Variants in CADM2 observed in about 807,000 individuals in gnomAD.
The protein encoded by CADM2 is cell adhesion molecule 2, also known as immunoglobulin superfamily member 4D.
Under a neutral mutation model 49.8 loss-of-function variants are expected in CADM2, and 12 were observed. That is an observed-to-expected ratio of 0.24 (90% CI 0.15 to 0.39). The LOEUF is 0.39. Ranked by LOEUF, CADM2 falls within the 10% of genes least tolerant of loss-of-function variation. The pLI is 1.00. For missense variants in CADM2, 378 were observed against 492.3 expected (o/e 0.77, Z 2.20); for synonymous variants, 214 against 175.4 (o/e 1.22, Z -1.74).
intron 1 of CADM2, among the ~76,000 whole-genome samples, chr3:85,283,009 C>T (rs1483800690): frequency 6.6e-6 from 1 of 151,640 alleles, no homozygotes; most frequent in African/African-American, 2.4e-5. Context: ...CACATGTAAC[C>T]CATACATATG....
At chr3:85,689,107 A>C (rs1405284213) in intron 1 of CADM2, among the ~76,000 whole-genome samples, 1 of 152,246 alleles carries the variant, frequency 6.6e-6, no homozygotes, top group Non-Finnish European at 1.5e-5. Context: ...AACTATCAAT[A>C]GATGCAAAAA....
At chr3:85,800,435 AAAAC>A (rs375712219) in intron 2 of CADM2, 83 of 155,536 alleles carry the variant, frequency 5.3e-4, no homozygotes, top group African/African-American at 1.4e-3. Context: ...TGGGATACCA[AAAAC>A]AAACAAACAA....
At chr3:85,130,214 CAT>C (rs1482605679) in intron 1 of CADM2, among the ~76,000 whole-genome samples, 2 of 152,112 alleles carry the variant, frequency 1.3e-5, no homozygotes, top group African/African-American at 4.8e-5. Flanking sequence ...CCACGTTCAG[CAT>C]AGTTTGTTGA....
chr3:85,344,287 A>C (rs1193771357), intron 1 of CADM2, among the ~76,000 whole-genome samples: 1 of 151,830 alleles, frequency 6.6e-6, no homozygotes, highest in East Asian at 1.9e-4. Flanking sequence ...AGGCTAAGGC[A>C]GGAGAATTGC....
rs187637444 is a variant in CADM2, at chr3:85,474,427, T to A, written c.62-252095T>A. On this transcript the variant is annotated intron_variant, in intron 1 of 9. Transcript: ENST00000383699. ...CCCACGTCATATTCATTATGGAAGG[T>A]AATCTTCTTTCCTCCCAGTCTACCT... 1.3e-3 allele frequency among the ~76,000 whole-genome samples: 203 copies of A among 152,008 alleles called. 4 individuals are homozygous for A. The highest frequency in any genetic ancestry group is 0.013 in the Admixed American group (202 of 15,216).
At chr3:85,298,969 A>G (rs2044031566) in intron 1 of CADM2, among the ~76,000 whole-genome samples, 1 of 152,098 alleles carries the variant, frequency 6.6e-6, no homozygotes, top group East Asian at 1.9e-4. Flanking sequence ...AAACAGAGTA[A>G]TAAATCCCTT....
At chr3:85,080,556 T>G (rs192756439) in intron 1 of CADM2, among the ~76,000 whole-genome samples, 33 of 152,184 alleles carry the variant, frequency 2.2e-4, no homozygotes, top group Non-Finnish European at 3.7e-4. Flanking sequence ...AATAATAATC[T>G]TAATCTAATA....
chr3:85,535,780 C>T (rs1212599764), intron 1 of CADM2, among the ~76,000 whole-genome samples: 1 of 152,084 alleles, frequency 6.6e-6, no homozygotes, highest in African/African-American at 2.4e-5. Context: ...CATGACACTG[C>T]AGGCGAGAAT....
At chr3:85,050,778 T>C (rs1481681449) in intron 1 of CADM2, among the ~76,000 whole-genome samples, 3 of 152,200 alleles carry the variant, frequency 2.0e-5, no homozygotes, top group Admixed American at 2.0e-4. Context: ...TTGTGGAAAC[T>C]ACATTTAATT....
intron 1 of CADM2, among the ~76,000 whole-genome samples, chr3:85,673,420 A>T (rs545934117): frequency 5.3e-5 from 8 of 152,000 alleles, no homozygotes; most frequent in Non-Finnish European, 1.0e-4. Context: ...GAGTGTTCTC[A>T]TAGATAAATT....
chr3:85,749,878 A>G (rs9309988), intron 2 of CADM2, among the ~76,000 whole-genome samples: 15,892 of 151,930 alleles, frequency 0.1, 938 homozygotes, highest in South Asian at 0.12. Context: ...AATTTATATC[A>G]GTATTTTTGT....
chr3:85,985,942 G>A (rs1443627445), intron 8 of CADM2, among the ~76,000 whole-genome samples: 4 of 151,972 alleles, frequency 2.6e-5, no homozygotes, highest in Non-Finnish European at 5.9e-5. Flanking sequence ...TGTGCACTAC[G>A]AAAGAGTTTC....
intron 1 of CADM2, among the ~76,000 whole-genome samples, chr3:85,454,457 G>A (rs1288359676): frequency 6.6e-6 from 1 of 152,114 alleles, no homozygotes; most frequent in Non-Finnish European, 1.5e-5. Context: ...GCTGTTGAGA[G>A]GCTATGGTCA....
chr3:85,796,585 T>A (rs1284299813), intron 2 of CADM2, among the ~76,000 whole-genome samples: 1 of 152,136 alleles, frequency 6.6e-6, no homozygotes, highest in Non-Finnish European at 1.5e-5. Flanking sequence ...ATATCAGATT[T>A]TTTACTTGAT....
chr3:85,333,198 G>A (rs1375720918), intron 1 of CADM2, among the ~76,000 whole-genome samples: 1 of 151,558 alleles, frequency 6.6e-6, no homozygotes, highest in African/African-American at 2.4e-5. Flanking sequence ...AGAATGAATG[G>A]ATAACTGTAT....
intron 1 of CADM2, among the ~76,000 whole-genome samples, chr3:85,285,203 CA>C (rs1004540568): frequency 6.6e-6 from 1 of 151,998 alleles, no homozygotes; most frequent in Non-Finnish European, 1.5e-5. Flanking sequence ...ATTCCACACC[CA>C]AATGGAAATA....
chr3:85,432,608 A>C (rs2036733151), intron 1 of CADM2, among the ~76,000 whole-genome samples: 1 of 152,158 alleles, frequency 6.6e-6, no homozygotes, highest in Non-Finnish European at 1.5e-5. Flanking sequence ...CAGTAACAGA[A>C]ATGTAGTGTA....
intron 1 of CADM2, among the ~76,000 whole-genome samples, chr3:84,996,877 G>A (rs2033207466): frequency 6.6e-6 from 1 of 152,042 alleles, no homozygotes; most frequent in Non-Finnish European, 1.5e-5. Context: ...TGAATTAATT[G>A]AGAATGAAAG....
chr3:85,931,314 C>T (rs1312099639), intron 6 of CADM2, among the ~76,000 whole-genome samples: 2 of 151,922 alleles, frequency 1.3e-5, no homozygotes, highest in Admixed American at 1.3e-4. Context: ...TGGAGCACAC[C>T]TGTGGTCCCA....
Sources: gnomAD v4.1 joint callset for allele counts (sites outside exome capture counted in the v4.1 genomes callset) on GRCh38, gnomAD v4.1.1 for gene constraint, MANE v1.5 for transcripts, NCBI Gene and HGNC (gene_info 2026-07-23, HGNC 2026-07-21) for gene names.